CLVS1: variants seen among roughly 807,000 people sequenced by gnomAD.
CLVS1 encodes the protein clavesin 1.
In CLVS1, 10 loss-of-function variants were observed where a neutral mutation model predicts 33.1. The observed-to-expected ratio is 0.30, with a 90% CI of 0.19 to 0.51. The LOEUF (loss-of-function observed/expected upper bound fraction) is 0.51. Ranked by LOEUF, CLVS1 falls within the 20% of genes least tolerant of loss-of-function variation. The pLI, the probability that CLVS1 is intolerant of heterozygous loss-of-function variation, is 0.97. For missense variants in CLVS1, 343 were observed against 433.4 expected (o/e 0.79, Z 1.85); for synonymous variants, 163 against 166.1 (o/e 0.98, Z 0.14).
intron 2 of CLVS1, among the ~76,000 whole-genome samples, chr8:61,349,681 A>G (rs1268413598): frequency 6.6e-6 from 1 of 152,098 alleles, no homozygotes; most frequent in African/African-American, 2.4e-5. Context: ...GTAAGAAACA[A>G]TCTGAATTAC....
the CLVS1 span, among the ~76,000 whole-genome samples, chr8:61,035,073 T>C: frequency 4.3e-3 from 654 of 152,330 alleles, 5 homozygotes; most frequent in African/African-American, 0.015. Flanking sequence ...TGTTTTTTGA[T>C]ATCCTGAAAT....
At chr8:61,472,858 G>A (rs1586023172) in intron 5 of CLVS1, among the ~76,000 whole-genome samples, 1 of 152,076 alleles carries the variant, frequency 6.6e-6, no homozygotes, top group South Asian at 2.1e-4. Flanking sequence ...TTATTATTGT[G>A]CTGTGAGGAT....
Position 61,499,534 on chromosome 8 carries a change from C to T in CLVS1, c.1057C>T (p.Leu353=), listed in dbSNP as rs967217733. The T allele has an allele frequency of 1.2e-6, 2 of 1,613,088 alleles. No individual in the cohort carries two copies. Among genetic ancestry groups the T allele is most frequent in the Admixed American group, 1.7e-5 (1 of 59,982 alleles). Residue 353 remains leucine (L), a synonymous_variant, in exon 6 of 6, where the codon CTG becomes TTG. Transcript: ENST00000325897. ...TGAGAACACCCAGCCACTCCTGGCT[C>T]TGGACTGAACCCTGAGTCACCCCAA... ...ENENTQPLLA[L]D
At chr8:61,306,132 TG>T (rs767861166) in intron 2 of CLVS1, among the ~76,000 whole-genome samples, 3 of 152,224 alleles carry the variant, frequency 2.0e-5, no homozygotes, top group Non-Finnish European at 4.4e-5. Context: ...CCACAATCTT[TG>T]AACTAATTTA....
intron 3 of CLVS1, among the ~76,000 whole-genome samples, chr8:61,416,302 CTAGA>C (rs1301367182): frequency 2.2e-5 from 2 of 92,232 alleles, no homozygotes; most frequent in African/African-American, 1.0e-4. Flanking sequence ...AGCTAGCTAG[CTAGA>C]TACATACATA....
intron 2 of CLVS1, among the ~76,000 whole-genome samples, chr8:61,305,200 G>A (rs1810576737): frequency 6.6e-6 from 1 of 151,942 alleles, no homozygotes; most frequent in Non-Finnish European, 1.5e-5. Flanking sequence ...AAGATGTACT[G>A]TCTTTTGTAA....
the CLVS1 span, among the ~76,000 whole-genome samples, chr8:61,045,133 T>C: frequency 2.5e-3 from 387 of 152,300 alleles, 1 homozygote; most frequent in African/African-American, 8.1e-3. Context: ...CCAGGGCTGA[T>C]TAAACTACTG....
intron 2 of CLVS1, among the ~76,000 whole-genome samples, chr8:61,205,598 A>G (rs1227937768): frequency 6.6e-6 from 1 of 152,144 alleles, no homozygotes; most frequent in Non-Finnish European, 1.5e-5. Flanking sequence ...CATGCTTTCT[A>G]TGTATGCTGC....
At chr8:60,991,460 G>T in the CLVS1 span, among the ~76,000 whole-genome samples, 1 of 152,216 alleles carries the variant, frequency 6.6e-6, no homozygotes, top group South Asian at 2.1e-4. Flanking sequence ...CAAATTTAAA[G>T]TGAAAAATAC....
At chr8:61,036,998 A>G in the CLVS1 span, among the ~76,000 whole-genome samples, 4 of 152,228 alleles carry the variant, frequency 2.6e-5, no homozygotes, top group Non-Finnish European at 5.9e-5. Flanking sequence ...GCTCCACTAA[A>G]TTACAGCTAG....
chr8:61,065,411 C>T (rs374908894), intron 1 of CLVS1, among the ~76,000 whole-genome samples: 3 of 151,998 alleles, frequency 2.0e-5, no homozygotes, highest in Non-Finnish European at 2.9e-5. Flanking sequence ...TACAGAGGGC[C>T]GACTGTACTG....
intron 2 of CLVS1, among the ~76,000 whole-genome samples, chr8:61,275,192 G>T (rs1180774837): frequency 1.3e-5 from 2 of 152,008 alleles, no homozygotes; most frequent in African/African-American, 2.4e-5. Flanking sequence ...TATTTTTTTA[G>T]TTTTTATTTT....
chr8:61,042,998 T>C, the CLVS1 span, among the ~76,000 whole-genome samples: 1 of 152,298 alleles, frequency 6.6e-6, no homozygotes, highest in African/African-American at 2.4e-5. Context: ...GTCCAGCTTG[T>C]TCAAAAGCTG....
At chr8:61,406,397 A>G (rs1017803651) in intron 3 of CLVS1, among the ~76,000 whole-genome samples, 7 of 152,234 alleles carry the variant, frequency 4.6e-5, no homozygotes, top group Admixed American at 4.6e-4. Flanking sequence ...GTACTTCAAG[A>G]AAGCTCTTCT....
intron 2 of CLVS1, among the ~76,000 whole-genome samples, chr8:61,189,024 CAAAG>C: frequency 6.6e-6 from 1 of 151,898 alleles, no homozygotes; most frequent in East Asian, 1.9e-4. Context: ...GAAATAGAGA[CAAAG>C]AAACATACTC....
At chr8:61,198,896 T>G (rs139572071) in intron 2 of CLVS1, among the ~76,000 whole-genome samples, 2 of 152,244 alleles carry the variant, frequency 1.3e-5, no homozygotes, top group Non-Finnish European at 2.9e-5. Flanking sequence ...AAAGACATTA[T>G]TTCATTCTTT....
At chr8:61,257,904 A>G (rs925390630) in intron 2 of CLVS1, among the ~76,000 whole-genome samples, 15 of 152,154 alleles carry the variant, frequency 9.9e-5, no homozygotes, top group Non-Finnish European at 2.2e-4. Context: ...ATGCATTGCT[A>G]GTTTACAAAA....
the CLVS1 span, among the ~76,000 whole-genome samples, chr8:60,977,116 C>T: frequency 2.6e-5 from 4 of 152,174 alleles, no homozygotes; most frequent in African/African-American, 9.7e-5. Context: ...CCACAAAAAA[C>T]AAGTAATATA....
At chr8:60,985,802 G>GAA in the CLVS1 span, among the ~76,000 whole-genome samples, 127 of 107,772 alleles carry the variant, frequency 1.2e-3, no homozygotes, top group Middle Eastern at 5.6e-3. Flanking sequence ...GGGCTGCTGT[G>GAA]AAAAAAAAAA....
Sources: gnomAD v4.1 joint callset for allele counts (sites outside exome capture counted in the v4.1 genomes callset) on GRCh38, gnomAD v4.1.1 for gene constraint, MANE v1.5 for transcripts, NCBI Gene and HGNC (gene_info 2026-07-23, HGNC 2026-07-21) for gene names.